SCAPER: variants seen among roughly 807,000 people sequenced by gnomAD.
SCAPER encodes S-phase cyclin A associated protein in the ER.
Under a neutral mutation model 182.2 loss-of-function variants are expected in SCAPER, and 98 were observed. That is an observed-to-expected ratio of 0.54 (90% CI 0.46 to 0.64). The LOEUF (loss-of-function observed/expected upper bound fraction) is 0.64, where lower values mean the gene tolerates loss of function less well. SCAPER is among the 30% of genes least tolerant of loss of function. SCAPER has a pLI of 0.00. For missense variants in SCAPER, 1,432 were observed against 1,690.0 expected, an observed-to-expected ratio of 0.85 and a Z score of 2.68; for synonymous variants, 605 against 564.6, an observed-to-expected ratio of 1.07 and a Z score of -1.01.
intron 22 of SCAPER, among the ~76,000 whole-genome samples, chr15:76,585,581 G>A (rs1243898574): frequency 6.6e-6 from 1 of 152,166 alleles, no homozygotes; most frequent in African/African-American, 2.4e-5. Flanking sequence ...ACATTTGACT[G>A]AAAATCAGCA....
At chr15:76,742,487 A>G (rs1344446443) in intron 15 of SCAPER, among the ~76,000 whole-genome samples, 4 of 149,706 alleles carry the variant, frequency 2.7e-5, no homozygotes, top group Non-Finnish European at 5.9e-5. Context: ...AAAAAAAAAA[A>G]AAAAAAAGAA....
intron 11 of SCAPER, 97 bp from the exon 12 acceptor site, chr15:76,765,735 T>C (rs1424052551): frequency 9.0e-6 from 9 of 996,396 alleles, no homozygotes; most frequent in South Asian, 4.3e-5. Flanking sequence ...CTATTGTTAA[T>C]ATATTCTATT....
intron 23 of SCAPER, among the ~76,000 whole-genome samples, chr15:76,558,700 A>G (rs751251305): frequency 7.9e-5 from 12 of 152,178 alleles, no homozygotes; most frequent in Admixed American, 2.0e-4. Context: ...AAATTGTTCT[A>G]CCATAAAGAC....
At chr15:76,606,193 T>C (rs1258196044) in intron 22 of SCAPER, among the ~76,000 whole-genome samples, 2 of 152,238 alleles carry the variant, frequency 1.3e-5, no homozygotes. Context: ...CTGCTTTGAA[T>C]GTGTCCCAGA....
At chr15:76,671,801 T>C (rs1203639383) in intron 20 of SCAPER, among the ~76,000 whole-genome samples, 3 of 150,670 alleles carry the variant, frequency 2.0e-5, no homozygotes, top group African/African-American at 7.3e-5. Context: ...GTGGACAAAC[T>C]ACCATCAGAG....
intron 21 of SCAPER, among the ~76,000 whole-genome samples, chr15:76,650,160 T>C (rs1001734539): frequency 1.3e-5 from 2 of 152,036 alleles, no homozygotes; most frequent in Non-Finnish European, 2.9e-5. Flanking sequence ...AGATACATAT[T>C]TGAAACTGAG....
intron 27 of SCAPER, among the ~76,000 whole-genome samples, chr15:76,394,378 G>A (rs903817766): frequency 2.0e-5 from 3 of 152,156 alleles, no homozygotes; most frequent in Non-Finnish European, 4.4e-5. Flanking sequence ...GACCAGATAG[G>A]GGACTTTAAG....
intron 26 of SCAPER, among the ~76,000 whole-genome samples, chr15:76,406,096 CTG>C (rs2044809650): frequency 6.6e-6 from 1 of 152,114 alleles, no homozygotes; most frequent in Admixed American, 6.6e-5. Flanking sequence ...TATGTACACA[CTG>C]AGAATCTTAT....
intron 19 of SCAPER, 69 bp from the exon 20 acceptor site, chr15:76,701,934 G>A (rs1160554676): frequency 6.6e-6 from 7 of 1,065,986 alleles, no homozygotes; most frequent in Non-Finnish European, 1.0e-5. Context: ...TACACATTCA[G>A]TCCAGTATAT....
At chr15:76,751,877 A>G (rs1396032401) in intron 15 of SCAPER, among the ~76,000 whole-genome samples, 3 of 151,792 alleles carry the variant, frequency 2.0e-5, no homozygotes, top group Non-Finnish European at 4.4e-5. Flanking sequence ...AAACAGACAA[A>G]TTGGACTTTG....
chr15:76,737,380 C>G (rs910479698), intron 15 of SCAPER, among the ~76,000 whole-genome samples: 3 of 152,162 alleles, frequency 2.0e-5, no homozygotes, highest in Non-Finnish European at 4.4e-5. Flanking sequence ...TTTGAAGAGT[C>G]TTCTTTTCTG....
chr15:76,441,982 A>G (rs1261529576), intron 25 of SCAPER, among the ~76,000 whole-genome samples: 1 of 152,108 alleles, frequency 6.6e-6, no homozygotes, highest in African/African-American at 2.4e-5. Flanking sequence ...CACCAAACCA[A>G]TAATTGGGAT....
chr15:76,630,718 T>A lies in SCAPER; in HGVS notation c.2646-8889A>T, dbSNP rs144863461. Among the ~76,000 whole-genome samples, 159 of 152,320 alleles carry A rather than the reference T, an allele frequency of 1.0e-3. 3 individuals carry two copies. Among genetic ancestry groups the A allele is most frequent in the African/African-American group, 3.8e-3 (156 of 41,560 alleles). On this transcript the variant is annotated intron_variant, in intron 21 of 31. Coordinates refer to ENST00000563290, the MANE Select transcript of SCAPER (RefSeq NM_020843.4). ...CTGAGGAGTGATTTATTTCCAATTA[T>A]GTGATCAATTTTAGAGTAAGTGCAA... is the stretch of plus-strand genomic sequence containing the variant.
At chr15:76,786,077 C>T (rs949752810) in intron 8 of SCAPER, among the ~76,000 whole-genome samples, 1 of 151,666 alleles carries the variant, frequency 6.6e-6, no homozygotes, top group Non-Finnish European at 1.5e-5. Context: ...GCCTGTAATC[C>T]CAGCACTTTG....
chr15:76,745,310 G>A (rs537248190), intron 15 of SCAPER, among the ~76,000 whole-genome samples: 14 of 152,198 alleles, frequency 9.2e-5, no homozygotes, highest in South Asian at 6.2e-4. Context: ...TTAGCCAGGC[G>A]TGGTGGCGTG....
chr15:76,708,726 C>T (rs1345718637), intron 17 of SCAPER, among the ~76,000 whole-genome samples: 1 of 152,090 alleles, frequency 6.6e-6, no homozygotes, highest in Non-Finnish European at 1.5e-5. Flanking sequence ...AAACCTTTAG[C>T]TAGACTAATA....
rs183774319 is a variant in SCAPER at position 76,465,130 on chromosome 15, G to A, written c.3078+6082C>T. Among the ~76,000 whole-genome samples, 196 of 152,018 alleles carry A rather than the reference G, an allele frequency of 1.3e-3. 1 individual carries two copies. Among genetic ancestry groups the A allele is most frequent in the African/African-American group, 4.3e-3 (178 of 41,474 alleles). Reference sequence around the variant, plus strand: ...GTTCTTTATATATTTGGATATTAACGTCTGACTTATTCCATTTGAGCTGCT... The same window carrying A: ...GTTCTTTATATATTTGGATATTAACATCTGACTTATTCCATTTGAGCTGCT... On this transcript the variant is annotated intron_variant, in intron 25 of 31. Transcript: ENST00000563290.
At chr15:76,433,391 C>G (rs1211722435) in intron 26 of SCAPER, among the ~76,000 whole-genome samples, 1 of 152,040 alleles carries the variant, frequency 6.6e-6, no homozygotes, top group Non-Finnish European at 1.5e-5. Context: ...GCCTGTAATC[C>G]CAGCTACTTG....
intron 5 of SCAPER, among the ~76,000 whole-genome samples, chr15:76,825,310 C>A (rs1403328465): frequency 1.3e-5 from 2 of 152,080 alleles, no homozygotes; most frequent in East Asian, 3.9e-4. Context: ...TGACTGTTAA[C>A]TGATGATAGC....
Sources: allele counts gnomAD v4.1 joint callset (sites outside exome capture counted in the v4.1 genomes callset), GRCh38; gene constraint gnomAD v4.1.1; transcripts MANE v1.5; gene names NCBI Gene and HGNC (gene_info 2026-07-23, HGNC 2026-07-21).